The following HDLBP variants were observed in gnomAD, a reference collection of about 807,000 sequenced individuals.
HDLBP encodes high density lipoprotein binding protein.
A neutral mutation model predicts 137.3 loss-of-function variants in HDLBP; 30 were observed. The ratio of observed to expected loss-of-function variants is 0.22; its 90% CI spans 0.16 to 0.30. The LOEUF is 0.30. Among genes scored for constraint, HDLBP ranks in the 10% least tolerant of loss-of-function variants. HDLBP has a pLI of 1.00. For missense variants in HDLBP, 1,119 were observed against 1,667.3 expected (o/e 0.67, Z 5.73); for synonymous variants, 606 against 596.0 (o/e 1.02, Z -0.24).
At chr2:241,241,306 G>A (rs927389622) in intron 17 of HDLBP, among the ~76,000 whole-genome samples, 3 of 152,206 alleles carry the variant, frequency 2.0e-5, no homozygotes, top group Non-Finnish European at 4.4e-5. Context: ...AGTGGCTCAC[G>A]CCTGTAATCC....
chr2:241,257,242 C>CT (rs549817981), intron 5 of HDLBP, among the ~76,000 whole-genome samples: 174 of 151,846 alleles, frequency 1.1e-3, no homozygotes, highest in Non-Finnish European at 1.9e-3. Context: ...AGATGCGTTT[C>CT]TTTTTTTTTG....
intron 1 of HDLBP, among the ~76,000 whole-genome samples, chr2:241,275,772 G>A: frequency 6.6e-6 from 1 of 152,138 alleles, no homozygotes. Context: ...GAGGATAATG[G>A]CTATATATAA....
intron 1 of HDLBP, among the ~76,000 whole-genome samples, chr2:241,296,495 A>G (rs2075186870): frequency 6.6e-6 from 1 of 152,214 alleles, no homozygotes; most frequent in African/African-American, 2.4e-5. Flanking sequence ...GATTTATTTG[A>G]CCCTATCAGA....
chr2:241,271,365 G>C (rs1181956565), intron 1 of HDLBP, among the ~76,000 whole-genome samples: 2 of 151,140 alleles, frequency 1.3e-5, no homozygotes, highest in East Asian at 3.8e-4. Context: ...AACAGAACTA[G>C]AACTAAAGGA....
At chr2:241,234,384 A>G (rs1396972253) in intron 23 of HDLBP, among the ~76,000 whole-genome samples, 3 of 152,216 alleles carry the variant, frequency 2.0e-5, no homozygotes, top group Admixed American at 6.5e-5. Context: ...ACAGCCCCTG[A>G]ACACCCATGG....
intron 1 of HDLBP, among the ~76,000 whole-genome samples, chr2:241,297,701 T>C (rs937905554): frequency 6.6e-6 from 1 of 151,570 alleles, no homozygotes; most frequent in Non-Finnish European, 1.5e-5. Flanking sequence ...GGAAGGTACA[T>C]GAAGAGCCCA....
At position 241,230,785 on chromosome 2, in the gene HDLBP, T is replaced by C; in HGVS notation, c.3448A>G (p.Ile1150Val). The stretch of plus-strand genomic sequence containing the variant: ...TTGAATTCGTCCATGATTTTGCGAA[T>C]GGCTTTGCCGCGGGCACCAATGATG... ...ARIIGARGKAIRKIMDEFKVD... is the reference protein window; with the variant it reads ...ARIIGARGKAVRKIMDEFKVD... The change falls in exon 25 of 28, where the codon ATT becomes GTT. Residue 1150 changes from isoleucine (I) to valine (V), a missense_variant. Physicochemically the swap from Ile to Val is conservative, Grantham distance 29. Around this residue, in one of 4 missense-constraint regions of HDLBP, gnomAD observed 618 missense variants for 816.7 expected, o/e 0.76. Transcript: ENST00000310931. This position sits in a 1 kb window ranked among gnomAD's most constrained non-coding sequence, Gnocchi z 5.0. 1.9e-6 allele frequency: 3 copies of C among 1,614,232 alleles called. No individual in the cohort carries two copies. The highest frequency in any genetic ancestry group is 2.5e-6 in the Non-Finnish European group (3 of 1,180,008).
chr2:241,287,398 C>T (rs979089781), intron 1 of HDLBP, among the ~76,000 whole-genome samples: 3 of 150,842 alleles, frequency 2.0e-5, no homozygotes, highest in Non-Finnish European at 2.9e-5. Flanking sequence ...TAAGCCACCG[C>T]GCCCGGCCTA....
chr2:241,273,299 C>T (rs990086783), intron 1 of HDLBP: 1 of 922,716 alleles, frequency 1.1e-6, no homozygotes, highest in Non-Finnish European at 1.3e-6. Context: ...TTCCTTATGT[C>T]CCTCACTTTT....
At chr2:241,263,820 A>G (rs913235528) in intron 4 of HDLBP, among the ~76,000 whole-genome samples, 16 of 152,206 alleles carry the variant, frequency 1.1e-4, no homozygotes, top group Admixed American at 5.9e-4. Context: ...AACAGAAAAC[A>G]GGACCCATTC....
At chr2:241,284,452 G>A (rs2074729891) in intron 1 of HDLBP, among the ~76,000 whole-genome samples, 1 of 152,202 alleles carries the variant, frequency 6.6e-6, no homozygotes, top group Non-Finnish European at 1.5e-5. Flanking sequence ...ATGAGGAGTT[G>A]CTTCTTATGG....
intron 1 of HDLBP, among the ~76,000 whole-genome samples, chr2:241,278,980 A>C (rs949833508): frequency 1.3e-5 from 2 of 152,106 alleles, no homozygotes; most frequent in Non-Finnish European, 1.5e-5. Context: ...AACCAAGATC[A>C]CGCCACTGCA....
At chr2:241,295,458 T>C (rs1328193269) in intron 1 of HDLBP, among the ~76,000 whole-genome samples, 6 of 152,118 alleles carry the variant, frequency 3.9e-5, no homozygotes, top group Non-Finnish European at 5.9e-5. Context: ...GCTTGGCAAG[T>C]TGGCAAAACA....
At chr2:241,253,088 G>A (rs370149486) in intron 10 of HDLBP, 53 bp from the exon 11 acceptor site, 3 of 1,364,756 alleles carry the variant, frequency 2.2e-6, no homozygotes, top group Non-Finnish European at 3.1e-6. Context: ...TGGCCAATGA[G>A]CTGAACCAAA....
At chr2:241,282,412 T>C (rs1269508606) in intron 1 of HDLBP, among the ~76,000 whole-genome samples, 3 of 152,198 alleles carry the variant, frequency 2.0e-5, no homozygotes, top group Non-Finnish European at 2.9e-5. Flanking sequence ...AGAGCGTACA[T>C]ATTTGATTGT....
At chr2:241,273,859 T>A (rs563104162) in intron 1 of HDLBP, among the ~76,000 whole-genome samples, 1 of 150,818 alleles carries the variant, frequency 6.6e-6, no homozygotes, top group South Asian at 2.1e-4. Context: ...CGTGTTTTTT[T>A]TTTTTTCGTG....
At chr2:241,310,558 TA>T (rs1276033240) in intron 1 of HDLBP, among the ~76,000 whole-genome samples, 1 of 152,008 alleles carries the variant, frequency 6.6e-6, no homozygotes, top group African/African-American at 2.4e-5. Context: ...ATTTACAATT[TA>T]AAAGATAAAA....
chr2:241,254,904 T>C (rs1178874555), intron 9 of HDLBP, 147 bp downstream of exon 9: 4 of 690,234 alleles, frequency 5.8e-6, no homozygotes, highest in Non-Finnish European at 8.0e-6. Flanking sequence ...ACACGGAAGT[T>C]GACCATGTCA....
intron 8 of HDLBP, 105 bp downstream of exon 8, chr2:241,255,269 C>A (rs2072525867): frequency 1.4e-6 from 2 of 1,419,748 alleles, no homozygotes; most frequent in Admixed American, 3.4e-5. Flanking sequence ...AACCTGGGCA[C>A]CTGCACTGTG....
Sources: allele counts gnomAD v4.1 joint callset (sites outside exome capture counted in the v4.1 genomes callset), GRCh38; gene constraint gnomAD v4.1.1; regional missense constraint gnomAD v4.1.1; non-coding constraint Gnocchi (gnomAD v3.1); transcripts MANE v1.5; gene names NCBI Gene and HGNC (gene_info 2026-07-23, HGNC 2026-07-21).